Variants in TMPRSS11F observed in about 807,000 individuals in gnomAD.
The protein encoded by TMPRSS11F is transmembrane serine protease 11F.
A neutral mutation model predicts 60.2 loss-of-function variants in TMPRSS11F; 47 were observed. That is an observed-to-expected ratio of 0.78 (90% CI 0.62 to 1.00). The LOEUF (loss-of-function observed/expected upper bound fraction) is 1.00, where lower values mean the gene tolerates loss of function less well. TMPRSS11F is among the 50% of genes least tolerant of loss of function. TMPRSS11F has a pLI of 0.00. For synonymous variants in TMPRSS11F, 166 were observed against 167.3 expected (o/e 0.99, Z 0.06); for missense variants, 519 against 522.9 (o/e 0.99, Z 0.07).
At chr4:68,062,178 A>C in intron 8 of TMPRSS11F, 1 of 410,454 alleles carries the variant, frequency 2.4e-6, no homozygotes, top group South Asian at 1.8e-5. Context: ...TATTAAAATT[A>C]TATTGCGACT....
chr4:68,088,950 C>A (rs905205728), intron 3 of TMPRSS11F, among the ~76,000 whole-genome samples: 1 of 151,740 alleles, frequency 6.6e-6, no homozygotes, highest in Non-Finnish European at 1.5e-5. Flanking sequence ...TTGGAAGAAT[C>A]AACACCATTA....
At chr4:68,068,586 A>C (rs761287286) in intron 7 of TMPRSS11F, 32 bp downstream of exon 7, 13 of 1,597,544 alleles carry the variant, frequency 8.1e-6, no homozygotes, top group Admixed American at 3.3e-5. Flanking sequence ...GGACTGTGAA[A>C]AGAAGGCTCA....
At position 68,060,187 on chromosome 4, in the gene TMPRSS11F, CA is replaced by C. The variant is rs34182036; in HGVS notation, c.1016-720del. Among the ~76,000 whole-genome samples, 852 of 146,418 alleles carry C rather than the reference CA, an allele frequency of 5.8e-3. 12 individuals carry two copies. Among genetic ancestry groups the C allele is most frequent in the African/African-American group, 0.019 (752 of 39,826 alleles). On this transcript the variant is annotated intron_variant, in intron 8 of 9. Transcript: ENST00000356291. Reference sequence around the variant, plus strand: ...AACTTTTCATATAATAAAATTCTGTCAAAAAAAAAAGCTAGATTAAGATATA... The same window carrying C: ...AACTTTTCATATAATAAAATTCTGTCAAAAAAAAAGCTAGATTAAGATATA...
At chr4:68,129,736 T>C (rs549089427) in intron 1 of TMPRSS11F, 74 bp downstream of exon 1, 4 of 1,381,728 alleles carry the variant, frequency 2.9e-6, no homozygotes, top group East Asian at 2.3e-5. Flanking sequence ...AGCCAACATC[T>C]GTACTACCTG....
intron 1 of TMPRSS11F, among the ~76,000 whole-genome samples, chr4:68,114,952 GAA>G (rs1357238794): frequency 9.3e-6 from 1 of 107,314 alleles, no homozygotes; most frequent in Non-Finnish European, 1.9e-5. Context: ...TATATTCAGA[GAA>G]AGCATCTGAA....
chr4:68,070,558 T>C (rs1470018168), intron 5 of TMPRSS11F, among the ~76,000 whole-genome samples: 1 of 152,240 alleles, frequency 6.6e-6, no homozygotes. Context: ...TGTGAATGGC[T>C]TGGATGGTTG....
intron 1 of TMPRSS11F, among the ~76,000 whole-genome samples, chr4:68,106,079 G>C (rs1238060658): frequency 6.6e-6 from 1 of 151,990 alleles, no homozygotes; most frequent in Non-Finnish European, 1.5e-5. Flanking sequence ...GTTGTAATGA[G>C]ACATAAAATA....
rs1724649148 is a variant in TMPRSS11F, at chr4:68,122,888, C to T, written c.11+6922G>A. Reference sequence around the variant, plus strand: ...AATGACGCTTTAGTCTGAACTCCGACTTACCATTATCAGAAATAATACCTA... The same window carrying T: ...AATGACGCTTTAGTCTGAACTCCGATTTACCATTATCAGAAATAATACCTA... On this transcript the variant is annotated intron_variant, in intron 1 of 9. Coordinates refer to ENST00000356291, the MANE Select transcript of TMPRSS11F (RefSeq NM_207407.2). Among the ~76,000 whole-genome samples, 3 of 152,184 alleles carry T rather than the reference C, an allele frequency of 2.0e-5. No homozygotes were observed. The South Asian group carries it at 6.2e-4, about 31-fold the overall frequency.
At chr4:68,096,743 T>TC (rs1724083946) in intron 2 of TMPRSS11F, among the ~76,000 whole-genome samples, 1 of 152,166 alleles carries the variant, frequency 6.6e-6, no homozygotes, top group South Asian at 2.1e-4. Flanking sequence ...TAAAAATAAC[T>TC]CCATCAAATA....
intron 2 of TMPRSS11F, among the ~76,000 whole-genome samples, chr4:68,092,101 T>C (rs1723956229): frequency 6.6e-6 from 1 of 152,140 alleles, no homozygotes; most frequent in Admixed American, 6.5e-5. Context: ...TCCAATCTCT[T>C]ACTGCATTTT....
intron 1 of TMPRSS11F, among the ~76,000 whole-genome samples, chr4:68,123,844 A>G (rs1332031809): frequency 6.6e-6 from 1 of 152,218 alleles, no homozygotes; most frequent in Non-Finnish European, 1.5e-5. Flanking sequence ...AATCTATTCA[A>G]GTCTATACAT....
chr4:68,056,103 C>T lies in TMPRSS11F; in HGVS notation c.1159-2036G>A, dbSNP rs116356316. Among the ~76,000 whole-genome samples the T allele has an allele frequency of 6.0e-3, 908 of 152,208 alleles. 10 individuals carry two copies. Among genetic ancestry groups the T allele is most frequent in the African/African-American group, 0.021 (883 of 41,552 alleles). ...CCATAGTGAAAAATCTAAAGTGTTT[C>T]CTGTAAGACCAGGGACATCAAAAGG... On this transcript the variant is annotated intron_variant, in intron 9 of 9. Coordinates refer to ENST00000356291, the MANE Select transcript of TMPRSS11F (RefSeq NM_207407.2).
intron 3 of TMPRSS11F, among the ~76,000 whole-genome samples, chr4:68,088,232 G>A: frequency 6.6e-6 from 1 of 151,360 alleles, no homozygotes; most frequent in Non-Finnish European, 1.5e-5. Flanking sequence ...AAAAAGGCAG[G>A]GTTTGCAATC....
At chr4:68,091,429 T>C (rs1723928449) in intron 2 of TMPRSS11F, among the ~76,000 whole-genome samples, 2 of 152,124 alleles carry the variant, frequency 1.3e-5, no homozygotes, top group Non-Finnish European at 2.9e-5. Flanking sequence ...GGGATGGCCT[T>C]ACCCACTAAC....
Position 68,084,986 on chromosome 4 carries a change from T to C in TMPRSS11F, c.282+5537A>G, listed in dbSNP as rs1261509429. 1.5e-4 allele frequency among the ~76,000 whole-genome samples: 20 copies of C among 134,708 alleles called. No individual in the cohort carries two copies. In the South Asian group the frequency reaches 1.6e-3, roughly 11 times the overall value. The allele number at this position is 134,708 out of a possible 152,430, so 88.4% of individuals were successfully genotyped here. A position where few individuals can be genotyped will look rare whatever the true frequency, so the allele number is the denominator to read the frequency against. On this transcript the variant is annotated intron_variant, in intron 3 of 9. Coordinates refer to ENST00000356291, the MANE Select transcript of TMPRSS11F (RefSeq NM_207407.2). ...ACCTATGAGTGAGAATATGCGGTGT[T>C]TGGTTTTTTGTTCTTGCGATAGTTT...
chr4:68,062,703 T>C, intron 8 of TMPRSS11F: 1 of 747,472 alleles, frequency 1.3e-6, no homozygotes. Flanking sequence ...ACAGACAGCA[T>C]GAGTGTCACA....
intron 3 of TMPRSS11F, among the ~76,000 whole-genome samples, chr4:68,083,883 A>C (rs1178786088): frequency 2.6e-5 from 4 of 152,202 alleles, no homozygotes; most frequent in African/African-American, 7.2e-5. Context: ...GATAGCAAGG[A>C]TACTCATTGA....
At position 68,116,267 on chromosome 4, in the gene TMPRSS11F, A is replaced by G. The variant is rs547318637; in HGVS notation, c.11+13543T>C. ...GGGAAAATAACTAGAATATTCATAC[A>G]TTGGTGTTGGGAATGCAAAATGGTA... is the stretch of plus-strand genomic sequence containing the variant. On this transcript the variant is annotated intron_variant, in intron 1 of 9. Transcript: ENST00000356291. Among the ~76,000 whole-genome samples, 41 of 152,308 alleles carry G rather than the reference A, an allele frequency of 2.7e-4. No homozygotes were observed. In the South Asian group the frequency reaches 7.0e-3, roughly 26 times the overall value.
chr4:68,114,990 T>TAAAAAAAAAA (rs56946635), intron 1 of TMPRSS11F, among the ~76,000 whole-genome samples: 1 of 114,396 alleles, frequency 8.7e-6, no homozygotes, highest in African/African-American at 3.4e-5. Context: ...ATTCATTATT[T>TAAAAAAAAAA]AAAAAAAAAA....
Sources: gnomAD v4.1 joint callset for allele counts (sites outside exome capture counted in the v4.1 genomes callset) on GRCh38, gnomAD v4.1.1 for gene constraint, MANE v1.5 for transcripts, NCBI Gene and HGNC (gene_info 2026-07-23, HGNC 2026-07-21) for gene names.